CD36: variants seen among roughly 807,000 people sequenced by gnomAD.
CD36 encodes platelet glycoprotein 4.
A neutral mutation model predicts 55.2 loss-of-function variants in CD36; 119 were observed. The ratio of observed to expected loss-of-function variants is 2.15; its 90% CI spans 1.86 to 2.51. CD36 has a LOEUF of 2.51. CD36 is among the 30% of genes most tolerant of loss of function. CD36 has a pLI of 0.00. For missense variants in CD36, 819 were observed against 555.5 expected, an observed-to-expected ratio of 1.47 and a Z score of -4.77; for synonymous variants, 186 against 193.6, an observed-to-expected ratio of 0.96 and a Z score of 0.33.
intron 1 of CD36, among the ~76,000 whole-genome samples, chr7:80,614,376 T>A (rs956251071): frequency 1.3e-5 from 2 of 152,188 alleles, no homozygotes; most frequent in African/African-American, 4.8e-5. Context: ...ACCATCATAA[T>A]GTATTTATAT....
rs1471473729 is a variant in CD36, at chr7:80,679,002, C to T, written c.*2619C>T. ...ATGTATTAGTGACTCTGTGGCTGCT[C>T]TCTTCACCTGCCCCTTGTGGCCTGT... On this transcript the variant is annotated 3_prime_UTR_variant, in exon 15 of 15. Transcript: ENST00000447544. 1 of 152,192 alleles carries T rather than the reference C, an allele frequency of 6.6e-6. No homozygotes were observed. Among genetic ancestry groups the T allele is most frequent in the Non-Finnish European group, 1.5e-5 (1 of 68,056 alleles). The allele number at this position is 152,192 out of a possible 1,614,324, so 9.4% of individuals were successfully genotyped here.
In CD36 at chr7:80,606,635, A is replaced by T. The variant is rs144337167; in HGVS notation, c.-184+4256A>T. 5.3e-4 allele frequency among the ~76,000 whole-genome samples: 81 copies of T among 152,298 alleles called. 1 individual carries two copies. Among genetic ancestry groups the T allele is most frequent in the African/African-American group, 1.8e-3 (74 of 41,566 alleles). On this transcript the variant is annotated intron_variant, in intron 1 of 13. Transcript: ENST00000309881. ...TGCCGCATGTACTGAGTTTTGGATG[A>T]AGCCAGAGAGAAACATTTAGCTCAG...
intron 1 of CD36, among the ~76,000 whole-genome samples, chr7:80,625,382 G>C (rs557604168): frequency 4.6e-5 from 7 of 152,244 alleles, no homozygotes; most frequent in African/African-American, 1.7e-4. Flanking sequence ...TTGTTGTGAT[G>C]ATCTAAAACA....
chr7:80,618,187 G>C (rs758409512), intron 1 of CD36, among the ~76,000 whole-genome samples: 2 of 152,064 alleles, frequency 1.3e-5, no homozygotes, highest in Non-Finnish European at 2.9e-5. Flanking sequence ...GTTTGACTTT[G>C]AGCAATTTAG....
chr7:80,615,293 T>C (rs1297243178), intron 1 of CD36, among the ~76,000 whole-genome samples: 2 of 152,160 alleles, frequency 1.3e-5, no homozygotes. Flanking sequence ...AACTTATAAT[T>C]ATTTAATTGT....
chr7:80,650,704 A>C (rs1795537463), intron 3 of CD36, among the ~76,000 whole-genome samples: 1 of 152,134 alleles, frequency 6.6e-6, no homozygotes, highest in Admixed American at 6.6e-5. Flanking sequence ...GTAGAGTTGC[A>C]GTGCTGTGAT....
At chr7:80,617,776 G>T (rs1486065692) in intron 1 of CD36, among the ~76,000 whole-genome samples, 1 of 150,928 alleles carries the variant, frequency 6.6e-6, no homozygotes, top group Non-Finnish European at 1.5e-5. Flanking sequence ...CTCTTCAAAC[G>T]TACATTGGAT....
At chr7:80,603,984 C>A (rs966582261) in intron 1 of CD36, among the ~76,000 whole-genome samples, 1 of 152,050 alleles carries the variant, frequency 6.6e-6, no homozygotes, top group Admixed American at 6.6e-5. Flanking sequence ...TATTTACAAA[C>A]AAAGCTTCAG....
chr7:80,670,790 A>G (rs1787293692), intron 9 of CD36, 187 bp from the exon 10 acceptor site: 1 of 590,498 alleles, frequency 1.7e-6, no homozygotes, highest in Non-Finnish European at 3.0e-6. Context: ...ACAAACAAGA[A>G]TAGTTCATGC....
intron 1 of CD36, among the ~76,000 whole-genome samples, chr7:80,613,238 A>G (rs1292639596): frequency 6.6e-6 from 1 of 152,106 alleles, no homozygotes; most frequent in African/African-American, 2.4e-5. Context: ...CATGAGCTGC[A>G]TGATAAATTC....
chr7:80,612,746 A>C (rs893319284), intron 1 of CD36, among the ~76,000 whole-genome samples: 1 of 152,102 alleles, frequency 6.6e-6, no homozygotes, highest in Non-Finnish European at 1.5e-5. Flanking sequence ...GACAGATATA[A>C]TTGTATGTAT....
chr7:80,673,042 C>T (rs1797870964), intron 12 of CD36, 199 bp downstream of exon 12: 1 of 558,524 alleles, frequency 1.8e-6, no homozygotes, highest in Non-Finnish European at 3.2e-6. Flanking sequence ...TTTATTTGAG[C>T]ATTTGATAGC....
chr7:80,674,050 T>A lies in CD36; in HGVS notation c.1322T>A (p.Leu441His), dbSNP rs1230577244. 1 of 1,611,956 alleles carries A rather than the reference T, an allele frequency of 6.2e-7. No homozygotes were observed. Among genetic ancestry groups the A allele is most frequent in the African/African-American group, 1.3e-5 (1 of 74,982 alleles). Residue 441 changes from leucine to histidine, a missense_variant, in exon 14 of 15, where the codon CTT (leucine) becomes CAT (histidine). By Grantham distance (99) the Leu-to-His change is moderately conservative. Coordinates refer to ENST00000447544, the MANE Select transcript of CD36 (RefSeq NM_001001548.3). The part of the protein sequence containing the change: ...RSQVTGKINL[L>H]GLIEMILLSV... ...CAAGTAACTGGAAAAATAAACCTCCTTGGCCTGATAGAAATGATCTTACTC... is the reference window on the plus strand; with the variant it reads ...CAAGTAACTGGAAAAATAAACCTCCATGGCCTGATAGAAATGATCTTACTC...
intron 13 of CD36, 167 bp downstream of exon 13, chr7:80,673,576 A>AACATTTCCTATCATTT (rs1797943764): frequency 1.7e-6 from 1 of 594,184 alleles, no homozygotes. Flanking sequence ...ATTGAACAAA[A>AACATTTCCTATCATTT]ACATTTCCTA....
At chr7:80,663,256 C>A in intron 6 of CD36, 87 bp downstream of exon 6, 1 of 1,145,878 alleles carries the variant, frequency 8.7e-7, no homozygotes, top group Non-Finnish European at 1.3e-6. Context: ...TATAATTTAG[C>A]TCATTAGTCT....
At chr7:80,660,387 C>T (rs1221861098) in intron 4 of CD36, among the ~76,000 whole-genome samples, 1 of 152,006 alleles carries the variant, frequency 6.6e-6, no homozygotes. Context: ...TTAAAGAAGT[C>T]CTGAAAAAGG....
upstream of CD36, among the ~76,000 whole-genome samples, chr7:80,635,748 C>T (rs571733828): frequency 3.3e-5 from 5 of 152,176 alleles, no homozygotes; most frequent in Admixed American, 6.6e-5. Context: ...AATTCAGACT[C>T]GGATTCCATT....
upstream of CD36, among the ~76,000 whole-genome samples, chr7:80,637,940 A>G (rs935319964): frequency 1.3e-5 from 2 of 152,006 alleles, no homozygotes; most frequent in African/African-American, 4.8e-5. Flanking sequence ...CTTAAGTACT[A>G]AAGATTATCC....
chr7:80,630,917 A>T (rs1004584181), intron 1 of CD36, among the ~76,000 whole-genome samples: 24 of 152,090 alleles, frequency 1.6e-4, no homozygotes, highest in Non-Finnish European at 1.5e-5. Context: ...ATGCCGAAAC[A>T]TAGAAAACAT....
Sources: gnomAD v4.1 joint callset for allele counts (sites outside exome capture counted in the v4.1 genomes callset) on GRCh38, gnomAD v4.1.1 for gene constraint, MANE v1.5 for transcripts, NCBI Gene and HGNC (gene_info 2026-07-23, HGNC 2026-07-21) for gene names.